The following BCCIP variants were observed in gnomAD, a reference collection of about 807,000 sequenced individuals.
BCCIP encodes BRCA2 and CDKN1A-interacting protein.
In BCCIP, 23 loss-of-function variants were observed where a neutral mutation model predicts 32.8. The observed-to-expected ratio is 0.70, with a 90% CI of 0.51 to 0.99. The LOEUF is 0.99. BCCIP is among the 50% of genes least tolerant of loss of function. The pLI, the probability that BCCIP is intolerant of heterozygous loss-of-function variation, is 0.00. For synonymous variants in BCCIP, 144 were observed against 137.6 expected (o/e 1.05, Z -0.33); for missense variants, 378 against 379.8 (o/e 1.00, Z 0.04).
At position 125,823,576 on chromosome 10, in the gene BCCIP, C is replaced by G. The variant is rs138579130; in HGVS notation, c.19C>G (p.Arg7Gly). 5.4e-5 allele frequency: 87 copies of G among 1,613,882 alleles called. No homozygotes were observed. Among genetic ancestry groups the G allele is most frequent in the Non-Finnish European group, 6.7e-5 (79 of 1,179,896 alleles). The change falls in exon 1 of 7, where the codon CGG (arginine) becomes GGG (glycine). Residue 7 changes from arginine (R) to glycine (G), a missense_variant. Coordinates refer to ENST00000278100, the MANE Select transcript of BCCIP (RefSeq NM_078468.3). MASRSK[R>G]RAVESGVPQP... The stretch of plus-strand genomic sequence containing the variant: ...CGGCAACATGGCGTCCAGGTCTAAG[C>G]GGCGTGCCGTGGAAAGTGGGGTTCC...
chr10:125,852,300 G>C lies in BCCIP; in HGVS notation c.851-825G>C, dbSNP rs61757587. Reference sequence around the variant, plus strand: ...ATGGGAGCATAAGGCTACCTGGTCTGTTCATGAAGTCACAGTGGCCTAGGC... The same window carrying C: ...ATGGGAGCATAAGGCTACCTGGTCTCTTCATGAAGTCACAGTGGCCTAGGC... On this transcript the variant is annotated intron_variant, in intron 7 of 7. Coordinates refer to the BCCIP transcript ENST00000368759. 9 of 1,613,982 alleles carry C rather than the reference G, an allele frequency of 5.6e-6. No individual in the cohort carries two copies. In the African/African-American group the frequency reaches 6.7e-5, roughly 12 times the overall value.
chr10:125,838,068 T>G (rs1000536201), downstream of BCCIP: 70 of 748,782 alleles, frequency 9.3e-5, no homozygotes, highest in Non-Finnish European at 1.5e-4. Flanking sequence ...AGGCCTGCCC[T>G]TAGTAGGTAC....
At chr10:125,853,199 G>T (rs756450826) in exon 8 of BCCIP, 1 of 1,612,706 alleles carries the variant, frequency 6.2e-7, no homozygotes, top group East Asian at 2.2e-5. Context: ...AACTCTAAGT[G>T]ATTTCCAGGG....
chr10:125,838,488 T>C (rs531500447), downstream of BCCIP: 29 of 1,100,542 alleles, frequency 2.6e-5, no homozygotes, highest in African/African-American at 3.7e-4. Context: ...TTATACGGGA[T>C]AGTTAAAACT....
chr10:125,835,015 C>A (rs1285419962), intron 6 of BCCIP, among the ~76,000 whole-genome samples: 1 of 151,728 alleles, frequency 6.6e-6, no homozygotes, highest in Admixed American at 6.6e-5. Flanking sequence ...TGCCTGTAGT[C>A]CCAGCTACTC....
chr10:125,852,729 A>G (rs1244408873), intron 7 of BCCIP: 1 of 1,183,498 alleles, frequency 8.4e-7, no homozygotes, highest in East Asian at 2.4e-5. Flanking sequence ...GCTGCGCAGT[A>G]CTTTACTCCA....
At chr10:125,836,663 C>A, downstream of BCCIP, 3 of 1,610,794 alleles carry the variant, frequency 1.9e-6, no homozygotes, top group Non-Finnish European at 2.5e-6. Context: ...TGGGACCCTG[C>A]TGCACCTTGT....
At chr10:125,824,232 TC>T (rs1385368307) in intron 1 of BCCIP, among the ~76,000 whole-genome samples, 1 of 152,248 alleles carries the variant, frequency 6.6e-6, no homozygotes. Context: ...ATTTTCTGGC[TC>T]CTGGGGCAGC....
intron 7 of BCCIP, among the ~76,000 whole-genome samples, chr10:125,850,132 AT>A (rs901504110): frequency 8.5e-6 from 1 of 117,374 alleles, no homozygotes. Flanking sequence ...CACCTGGCTC[AT>A]TAAAAAAAAA....
Position 125,823,600 on chromosome 10 carries a change from C to T in BCCIP, c.43C>T (p.Pro15Ser), listed in dbSNP as rs1854236927. The T allele has an allele frequency of 1.2e-5, 20 of 1,614,018 alleles. No individual in the cohort carries two copies. The highest frequency in any genetic ancestry group is 1.6e-5 in the Non-Finnish European group (19 of 1,179,958). Reference sequence around the variant, plus strand: ...GCGGCGTGCCGTGGAAAGTGGGGTTCCGCAGCCGCCGGATCCCCCAGTCCA... The same window carrying T: ...GCGGCGTGCCGTGGAAAGTGGGGTTTCGCAGCCGCCGGATCCCCCAGTCCA... ...SKRRAVESGV[P>S]QPPDPPVQRD... Residue 15 changes from proline (P) to serine (S), a missense_variant, in exon 1 of 7, where the codon CCG becomes TCG. Transcript: ENST00000278100.
Position 125,836,445 on chromosome 10 carries a change from G to C in BCCIP, c.*171G>C, listed in dbSNP as rs1854687520. ...CAAAATACCAGTTTTTTAAAATTTT[G>C]GTCAAATTATGAGTGGTTGATTTAA... On this transcript the variant is annotated 3_prime_UTR_variant, in exon 7 of 7. Coordinates refer to ENST00000278100, the MANE Select transcript of BCCIP (RefSeq NM_078468.3). The C allele has an allele frequency of 7.0e-7, 1 of 1,422,652 alleles. No homozygotes were observed. The highest frequency in any genetic ancestry group is 9.1e-7 in the Non-Finnish European group (1 of 1,094,446). The allele number at this position is 1,422,652 out of a possible 1,614,324, so 88.1% of individuals were successfully genotyped here.
chr10:125,826,710 A>G, intron 2 of BCCIP, 45 bp downstream of exon 2: 34 of 1,605,480 alleles, frequency 2.1e-5, no homozygotes, highest in Non-Finnish European at 2.9e-5. Context: ...CTTCTAAGAA[A>G]AATCAGGGGC....
downstream of BCCIP, among the ~76,000 whole-genome samples, chr10:125,845,825 G>A (rs898127381): frequency 2.0e-5 from 3 of 152,228 alleles, no homozygotes; most frequent in African/African-American, 7.2e-5. Context: ...CACCCGCACC[G>A]TGAGGCAGGC....
At chr10:125,838,734 G>T (rs372100185), downstream of BCCIP, among the ~76,000 whole-genome samples, 5 of 152,240 alleles carry the variant, frequency 3.3e-5, no homozygotes, top group Middle Eastern at 3.4e-3. Context: ...TGTGTAGCAC[G>T]CAATGACCCT....
intron 5 of BCCIP, 30 bp from the exon 6 acceptor site, chr10:125,833,742 G>A (rs756291955): frequency 8.8e-5 from 141 of 1,609,818 alleles, no homozygotes; most frequent in Middle Eastern, 1.7e-4. Flanking sequence ...GACCCAGCAG[G>A]TAAACAAATG....
chr10:125,826,802 C>G, intron 2 of BCCIP, 137 bp downstream of exon 2: 1 of 1,403,574 alleles, frequency 7.1e-7, no homozygotes, highest in South Asian at 1.4e-5. Context: ...GAGTTTGAGA[C>G]CAGCCTGGGC....
exon 8 of BCCIP, chr10:125,853,232 G>C: frequency 6.2e-7 from 1 of 1,606,122 alleles, no homozygotes; most frequent in Non-Finnish European, 8.5e-7. Context: ...TGTTGGAATT[G>C]CTCTGTCATA....
At chr10:125,830,369 A>G (rs999705091) in intron 3 of BCCIP, among the ~76,000 whole-genome samples, 193 bp from the exon 4 acceptor site, 2 of 152,236 alleles carry the variant, frequency 1.3e-5, no homozygotes, top group African/African-American at 4.8e-5. Flanking sequence ...TTTAAGATAC[A>G]ATGCTTTCCA....
intron 3 of BCCIP, among the ~76,000 whole-genome samples, chr10:125,828,409 G>T (rs138347448): frequency 6.6e-6 from 1 of 152,168 alleles, no homozygotes; most frequent in Admixed American, 6.5e-5. Flanking sequence ...TTGAGATTGC[G>T]CAGGGAGGGA....
Sources: allele counts gnomAD v4.1 joint callset (sites outside exome capture counted in the v4.1 genomes callset), GRCh38; gene constraint gnomAD v4.1.1; transcripts MANE v1.5; gene names NCBI Gene and HGNC (gene_info 2026-07-23, HGNC 2026-07-21).